WDR13: variants seen among roughly 807,000 people sequenced by gnomAD.
WDR13 encodes the protein WD repeat-containing protein 13.
Under a neutral mutation model 28.6 loss-of-function variants are expected in WDR13, and 1 was observed. That is an observed-to-expected ratio of 0.03 (90% confidence interval 0.01 to 0.17). The LOEUF (loss-of-function observed/expected upper bound fraction) is 0.17, where lower values mean the gene tolerates loss of function less well. Among genes scored for constraint, WDR13 ranks in the 10% least tolerant of loss-of-function variants. The pLI, the probability that WDR13 is intolerant of heterozygous loss-of-function variation, is 1.00. For missense variants in WDR13, 264 were observed against 469.3 expected, an observed-to-expected ratio of 0.56 and a Z score of 4.04; for synonymous variants, 201 against 185.9, an observed-to-expected ratio of 1.08 and a Z score of -0.66.
intron 3 of WDR13, 80 bp downstream of exon 3, chrX:48,599,037 T>C: frequency 8.9e-7 from 1 of 1,127,109 alleles, no homozygotes; most frequent in Non-Finnish European, 1.2e-6. Context: ...AAGCACCTGC[T>C]CTTTGCTGGG....
At position 48,604,732 on chromosome X, in the gene WDR13, C is replaced by T. The variant is rs1209701371; in HGVS notation, c.1274-116C>T. On this transcript the variant is annotated intron_variant, in intron 9 of 9. Transcript: ENST00000376729. ...GGGGCCCCCTCAAACCTCCCCAAGC[C>T]ATGCTAGGACCTCACACCTCGGACA... The T allele has an allele frequency of 4.6e-6, 4 of 877,612 alleles. No homozygotes were observed. The Admixed American group carries it at 1.3e-4, about 30-fold the overall frequency. The allele number at this position is 877,612 out of a possible 1,213,427, so 72.3% of individuals were successfully genotyped here. A position where few individuals can be genotyped will look rare whatever the true frequency, so the allele number is the denominator to read the frequency against.
At chrX:48,598,450 G>A (rs868955713) in intron 2 of WDR13, 1 of 1,022,960 alleles carries the variant, frequency 9.8e-7, no homozygotes. Context: ...TATTGTCTGC[G>A]CTGACCCAGT....
intron 9 of WDR13, 124 bp from the exon 10 acceptor site, chrX:48,604,724 C>T (rs1242974853): frequency 1.2e-6 from 1 of 848,064 alleles, no homozygotes; most frequent in South Asian, 2.6e-5. Context: ...CCTCAAACCT[C>T]CCCAAGCCAT....
At position 48,606,834 on chromosome X, in the gene WDR13, T is replaced by A. The variant is rs1268972158; in HGVS notation, c.*1802T>A. The A allele has an allele frequency of 3.6e-5, 4 of 112,049 alleles. No homozygotes were observed. The highest frequency in any genetic ancestry group is 7.5e-5 in the Non-Finnish European group (4 of 53,166). 9.2% of individuals were successfully genotyped at this position (112,049 alleles called of 1,213,427 possible). A position where few individuals can be genotyped will look rare whatever the true frequency, so the allele number is the denominator to read the frequency against. On this transcript the variant is annotated 3_prime_UTR_variant, in exon 10 of 10. Transcript: ENST00000376729. ...TAGAGACTCCAGCTTGGCCCAGCATTGCTGAGCTGCTGAACTCGCACCAAC... is the reference window on the plus strand; with the variant it reads ...TAGAGACTCCAGCTTGGCCCAGCATAGCTGAGCTGCTGAACTCGCACCAAC...
At position 48,600,443 on chromosome X, in the gene WDR13, C is replaced by T. The variant is rs1556994077; in HGVS notation, c.648C>T (p.His216=). The T allele has an allele frequency of 8.2e-7, 1 of 1,212,506 alleles. No homozygotes were observed. The highest frequency in any genetic ancestry group is 3.0e-5 in the East Asian group (1 of 33,879). ...PPTVLRVLRG[H]TRGVSDFAWS... ...CAGTGCTTCGCGTGCTACGGGGCCA[C>T]ACCCGTGGTGTCTCCGACTTCGCCT... is the stretch of plus-strand genomic sequence containing the variant. The change falls in exon 6 of 10, where the codon CAC becomes CAT. Residue 216 remains histidine, a synonymous_variant. Coordinates refer to ENST00000376729, the MANE Select transcript of WDR13 (RefSeq NM_001347217.2).
chrX:48,601,510 G>T (rs2062185675), intron 6 of WDR13, among the ~76,000 whole-genome samples: 2 of 112,333 alleles, frequency 1.8e-5, no homozygotes, highest in Non-Finnish European at 3.8e-5. Flanking sequence ...AGGCCCTATG[G>T]TTCTCACACT....
At chrX:48,600,692 A>G (rs1556994206) in intron 6 of WDR13, 66 bp downstream of exon 6, 1 of 1,139,072 alleles carries the variant, frequency 8.8e-7, no homozygotes, top group South Asian at 1.9e-5. Flanking sequence ...ATCTGAGGGA[A>G]TCAGAGTATA....
chrX:48,601,804 C>T lies in WDR13; in HGVS notation c.852C>T (p.Asn284=), dbSNP rs182379456. 1.3e-4 allele frequency: 157 copies of T among 1,176,164 alleles called. No homozygotes were observed. The highest frequency in any genetic ancestry group is 1.7e-4 in the Non-Finnish European group (150 of 876,550). The part of the protein sequence containing the change: ...NLTVVGNAKH[N]VHVMNISTGK... ...CACAGGTGGGGAACGCCAAGCACAA[C>T]GTGCATGTCATGAACATCTCCACAG... The change falls in exon 7 of 10, where the codon AAC becomes AAT. Residue 284 remains asparagine, a synonymous_variant. Transcript: ENST00000376729.
rs369214551 is a variant in WDR13, at chrX:48,599,307, C to A, written c.283-46C>A. 1.6e-3 allele frequency: 1,673 copies of A among 1,035,157 alleles called. 3 individuals carry two copies. The highest frequency in any genetic ancestry group is 3.1e-3 in the South Asian group (138 of 44,511). 85.3% of individuals were successfully genotyped at this position (1,035,157 alleles called of 1,213,427 possible). A position where few individuals can be genotyped will look rare whatever the true frequency, so the allele number is the denominator to read the frequency against. On this transcript the variant is annotated intron_variant, in intron 3 of 9. Coordinates refer to ENST00000376729, the MANE Select transcript of WDR13 (RefSeq NM_001347217.2). ...CAGGGCTCCACACCTCAAAGGTTCT[C>A]GGGCTTTTTGCAAGATGCACCCACC...
intron 9 of WDR13, 30 bp from the exon 10 acceptor site, chrX:48,604,818 C>G (rs1189618583): frequency 8.4e-7 from 1 of 1,192,947 alleles, no homozygotes; most frequent in African/African-American, 1.8e-5. Context: ...CCAGGCGCCT[C>G]CCGATGGCCT....
In WDR13 at chrX:48,604,356, T is replaced by C. The variant is rs1556995474; in HGVS notation, c.1239T>C (p.Cys413=). ...CACATCCTGTGCGCAGCATCTTCTG[T>C]CCCCTCATGTCCTTCCGCCAGGGGG... is the stretch of plus-strand genomic sequence containing the variant. ...QSSHPVRSIF[C]PLMSFRQGAC... Residue 413 remains cysteine (C), a synonymous_variant, in exon 9 of 10, where the codon TGT becomes TGC. Transcript: ENST00000376729. The C allele has an allele frequency of 8.3e-7, 1 of 1,210,052 alleles. No individual in the cohort carries two copies. Among genetic ancestry groups the C allele is most frequent in the East Asian group, 3.0e-5 (1 of 33,787 alleles).
At chrX:48,600,723 G>T (rs782734262) in intron 6 of WDR13, 97 bp downstream of exon 6, 2 of 994,296 alleles carry the variant, frequency 2.0e-6, no homozygotes, top group South Asian at 2.2e-5. Context: ...GCCAGGGGGG[G>T]CCTAGGACCC....
At chrX:48,600,101 T>G (rs1318151944) in intron 5 of WDR13, 10 of 431,274 alleles carry the variant, frequency 2.3e-5, no homozygotes, top group Non-Finnish European at 3.1e-5. Context: ...TGCAGAAGAC[T>G]TTTGCAATCT....
chrX:48,597,806 C>T, intron 1 of WDR13, 152 bp from the exon 2 acceptor site: 1 of 726,413 alleles, frequency 1.4e-6, no homozygotes, highest in Non-Finnish European at 1.9e-6. Context: ...AAGGGCAGGG[C>T]TGGGGTGATG....
At chrX:48,602,736 TC>T (rs1218440596) in intron 8 of WDR13, among the ~76,000 whole-genome samples, 1 of 110,335 alleles carries the variant, frequency 9.1e-6, no homozygotes, top group Non-Finnish European at 1.9e-5. Flanking sequence ...ATTGAGAAAT[TC>T]CCTAAGCAAT....
At chrX:48,604,680 C>T (rs1458772639) in intron 9 of WDR13, among the ~76,000 whole-genome samples, 168 bp from the exon 10 acceptor site, 1 of 112,539 alleles carries the variant, frequency 8.9e-6, no homozygotes, top group Non-Finnish European at 1.9e-5. Context: ...AGTACCAAAA[C>T]AGCCAGGTGA....
rs2062177426 is a variant in WDR13 at position 48,600,584 on chromosome X, G to A, written c.789G>A (p.Leu263=). The change falls in exon 6 of 10, where the codon CTG becomes CTA. Residue 263 remains leucine (L), a synonymous_variant. Coordinates refer to ENST00000376729, the MANE Select transcript of WDR13 (RefSeq NM_001347217.2). ...REIPDPDSAE[L]LCCTFQPVNN... ...TCCCTGACCCCGATAGCGCTGAACT[G>A]CTCTGCTGCACCTTCCAGCCTGTCA... 8.3e-7 allele frequency: 1 copy of A among 1,211,109 alleles called. No individual in the cohort carries two copies. Among genetic ancestry groups the A allele is most frequent in the African/African-American group, 1.7e-5 (1 of 57,910 alleles).
At chrX:48,598,252 G>T in intron 2 of WDR13, 3 of 1,088,361 alleles carry the variant, frequency 2.8e-6, no homozygotes, top group Non-Finnish European at 3.6e-6. Context: ...TCAGATGTGG[G>T]CATGCGCAAA....
intron 8 of WDR13, among the ~76,000 whole-genome samples, chrX:48,603,485 T>C (rs893847662): frequency 1.3e-4 from 15 of 111,614 alleles, no homozygotes; most frequent in Non-Finnish European, 1.7e-4. Flanking sequence ...CCGTCTCTAC[T>C]AAAAATACAA....
Sources: gnomAD v4.1 joint callset for allele counts (sites outside exome capture counted in the v4.1 genomes callset) on GRCh38, gnomAD v4.1.1 for gene constraint, MANE v1.5 for transcripts, NCBI Gene and HGNC (gene_info 2026-07-23, HGNC 2026-07-21) for gene names.